The following ATP5F1A variants were observed in gnomAD, a reference collection of about 807,000 sequenced individuals.
The protein encoded by ATP5F1A is ATP synthase F1 subunit alpha.
In ATP5F1A, 24 loss-of-function variants were observed where a neutral mutation model predicts 57.4. That is an observed-to-expected ratio of 0.42 (90% confidence interval 0.30 to 0.59). The LOEUF (loss-of-function observed/expected upper bound fraction) is 0.59. Ranked by LOEUF, ATP5F1A falls within the 20% of genes least tolerant of loss-of-function variation. The pLI is 0.19. For synonymous variants in ATP5F1A, 251 were observed against 255.5 expected (o/e 0.98, Z 0.17); for missense variants, 494 against 707.9 (o/e 0.70, Z 3.43).
chr18:46,090,139 C>A, intron 3 of ATP5F1A, 143 bp from the exon 4 acceptor site: 1 of 719,022 alleles, frequency 1.4e-6, no homozygotes, highest in Non-Finnish European at 2.2e-6. Context: ...AGTACTTTTC[C>A]AACTAACAAA....
chr18:46,100,056 G>T (rs983216329), upstream of ATP5F1A, among the ~76,000 whole-genome samples: 2 of 151,840 alleles, frequency 1.3e-5, no homozygotes, highest in Non-Finnish European at 2.9e-5. Context: ...TTCGAGACCA[G>T]CTTGGCCAAC....
intron 2 of ATP5F1A, chr18:46,094,836 T>TAA (rs1910823852): frequency 1.6e-6 from 1 of 610,160 alleles, no homozygotes; most frequent in Non-Finnish European, 2.3e-6. Flanking sequence ...GAAGCCATAC[T>TAA]AATATCAAAA....
intron 5 of ATP5F1A, among the ~76,000 whole-genome samples, chr18:46,089,097 C>T (rs1470392570): frequency 1.3e-5 from 2 of 151,978 alleles, no homozygotes; most frequent in Admixed American, 1.3e-4. Context: ...ATCCCCCACA[C>T]CGAGATAGTA....
intron 1 of ATP5F1A, among the ~76,000 whole-genome samples, chr18:46,095,955 C>A (rs1196087242): frequency 1.3e-5 from 2 of 151,876 alleles, no homozygotes; most frequent in Non-Finnish European, 2.9e-5. Flanking sequence ...GGGGCACGAT[C>A]TTGGCTCATT....
chr18:46,096,982 C>CAAAAAAAAAAAAAAAAAAA (rs71160709), intron 1 of ATP5F1A, among the ~76,000 whole-genome samples: 2 of 75,172 alleles, frequency 2.7e-5, no homozygotes, highest in African/African-American at 6.2e-5. Flanking sequence ...GACACCATCT[C>CAAAAAAAAAAAAAAAAAAA]AAAAAAAAAA....
At chr18:46,085,430 A>G (rs1910015008) in intron 10 of ATP5F1A, 1 of 151,178 alleles carries the variant, frequency 6.6e-6, no homozygotes. Context: ...GGAGTTCAAG[A>G]CCAGCCTGGG....
chr18:46,087,960 T>C, intron 6 of ATP5F1A, 149 bp downstream of exon 6: 1 of 799,656 alleles, frequency 1.3e-6, no homozygotes, highest in Non-Finnish European at 2.0e-6. Flanking sequence ...TGTACTACTG[T>C]TTTACATTGT....
At chr18:46,086,818 T>C (rs1206254540) in intron 8 of ATP5F1A, 190 bp downstream of exon 8, 6 of 654,760 alleles carry the variant, frequency 9.2e-6, no homozygotes, top group Non-Finnish European at 1.3e-5. Flanking sequence ...TGCTACTCTA[T>C]GCAATAACTG....
At position 46,095,076 on chromosome 18, in the gene ATP5F1A, G is replaced by C. The variant is rs779675872; in HGVS notation, c.116C>G (p.Ser39Cys). 14 of 1,613,640 alleles carry C rather than the reference G, an allele frequency of 8.7e-6. No individual in the cohort carries two copies. The highest frequency in any genetic ancestry group is 1.1e-5 in the Non-Finnish European group (13 of 1,179,778). ...SFIAARNFHA[S>C]NTHLQKTGTA... ...ACCAGTCTTTTGAAGATGAGTGTTA[G>C]AGGCATGGAAGTTCCTTGCAGCAAT... The change falls in exon 2 of 12, where the codon TCT becomes TGT. Residue 39 changes from serine to cysteine, a missense_variant. Coordinates refer to ENST00000398752, the MANE Select transcript of ATP5F1A (RefSeq NM_004046.6).
rs1279048669 is a variant in ATP5F1A at position 46,095,793 on chromosome 18, TTATTTTTTTTA to T, written c.61-673_61-663del. 2.6e-5 allele frequency among the ~76,000 whole-genome samples: 4 copies of T among 152,076 alleles called. No homozygotes were observed. In the South Asian group the frequency reaches 6.2e-4, roughly 24 times the overall value. On this transcript the variant is annotated intron_variant, in intron 1 of 11. Coordinates refer to ENST00000398752, the MANE Select transcript of ATP5F1A (RefSeq NM_004046.6). ...CACCTGGCCAGGCTAATTTTTGTACTTATTTTTTTTATAGAGACAGGATTTCATCATATTGC... is the reference window on the plus strand; with the variant it reads ...CACCTGGCCAGGCTAATTTTTGTACTTAGAGACAGGATTTCATCATATTGC...
Position 46,084,101 on chromosome 18 carries a change from A to C in ATP5F1A, c.*181T>G. On this transcript the variant is annotated 3_prime_UTR_variant, in exon 12 of 12. Transcript: ENST00000398752. ...AGAAGCATTTGCTTACCAATTTCTC[A>C]ATTTGATCTTGGTTTTAAAGAATAA... 1.9e-6 allele frequency: 1 copy of C among 514,006 alleles called. No individual in the cohort carries two copies. The highest frequency in any genetic ancestry group is 3.3e-6 in the Non-Finnish European group (1 of 301,000). The allele number at this position is 514,006 out of a possible 1,614,324, so 31.8% of individuals were successfully genotyped here. A position where few individuals can be genotyped will look rare whatever the true frequency, so the allele number is the denominator to read the frequency against.
chr18:46,089,455 T>G, intron 5 of ATP5F1A, 111 bp downstream of exon 5: 1 of 1,274,960 alleles, frequency 7.8e-7, no homozygotes, highest in Non-Finnish European at 1.1e-6. Context: ...CTATTAATCC[T>G]CGTATTAGAT....
At chr18:46,095,930 C>T (rs1015184677) in intron 1 of ATP5F1A, among the ~76,000 whole-genome samples, 9 of 151,998 alleles carry the variant, frequency 5.9e-5, no homozygotes, top group East Asian at 5.9e-4. Flanking sequence ...ATTCTGTCAC[C>T]CAAGCTGGAG....
chr18:46,084,615 G>C lies in ATP5F1A; in HGVS notation c.1469C>G (p.Ala490Gly), dbSNP rs746260834. ...TTTATCAAGATATCCCCTTACACCC[G>C]CATAGATAACAGCCACTTGTTCTTC... is the stretch of plus-strand genomic sequence containing the variant. ...AIEEQVAVIY[A>G]GVRGYLDKLE... The change falls in exon 11 of 12, where the codon GCG becomes GGG. Residue 490 changes from alanine (A) to glycine (G), a missense_variant. Coordinates refer to ENST00000398752, the MANE Select transcript of ATP5F1A (RefSeq NM_004046.6). The C allele has an allele frequency of 6.3e-7, 1 of 1,599,748 alleles. No homozygotes were observed. The highest frequency in any genetic ancestry group is 8.5e-7 in the Non-Finnish European group (1 of 1,176,284).
chr18:46,100,251 TAAAAAAAAAAAAA>T (rs34683117), upstream of ATP5F1A, among the ~76,000 whole-genome samples: 1 of 68,670 alleles, frequency 1.5e-5, no homozygotes, highest in African/African-American at 5.4e-5. Context: ...AAACTCCATC[TAAAAAAAAAAAAA>T]AAAAAAAAGA....
intron 1 of ATP5F1A, among the ~76,000 whole-genome samples, chr18:46,095,617 A>AT (rs907424886): frequency 3.1e-4 from 46 of 149,562 alleles, no homozygotes; most frequent in Middle Eastern, 3.4e-3. Context: ...CACCCGGCTT[A>AT]TTTTTTTTTC....
At position 46,086,380 on chromosome 18, in the gene ATP5F1A, A is replaced by C. The variant is rs1244711321; in HGVS notation, c.1284+7T>G. On this transcript the variant is annotated splice_region_variant and intron_variant, in intron 9 of 11. Transcript: ENST00000398752. ...GCCCCCTTACTGCCAAAGTGATGCA[A>C]AATTACCTGCTTCATAGCCCTGGTT... is the stretch of plus-strand genomic sequence containing the variant. The C allele has an allele frequency of 1.2e-6, 2 of 1,614,046 alleles. No individual in the cohort carries two copies.
chr18:46,094,916 T>C, intron 2 of ATP5F1A, 137 bp downstream of exon 2: 5 of 1,254,634 alleles, frequency 4.0e-6, no homozygotes, highest in East Asian at 5.4e-5. Context: ...GGTAACAATA[T>C]GGTTTAAGAA....
intron 5 of ATP5F1A, among the ~76,000 whole-genome samples, chr18:46,088,960 A>C (rs573787045): frequency 1.3e-3 from 197 of 152,082 alleles, no homozygotes; most frequent in Non-Finnish European, 2.3e-3. Context: ...GTAAAGTCAA[A>C]CATAAATCTG....
Sources: allele counts gnomAD v4.1 joint callset (sites outside exome capture counted in the v4.1 genomes callset), GRCh38; gene constraint gnomAD v4.1.1; transcripts MANE v1.5; gene names NCBI Gene and HGNC (gene_info 2026-07-23, HGNC 2026-07-21).